The following SEC14L5 variants were observed in gnomAD, a reference collection of about 807,000 sequenced individuals.
SEC14L5 encodes the protein SEC14-like protein 5.
A neutral mutation model predicts 84.6 loss-of-function variants in SEC14L5; 96 were observed. That is an observed-to-expected ratio of 1.13 (90% CI 0.96 to 1.34). The LOEUF is 1.34. SEC14L5 is among the 40% of genes most tolerant of loss of function. SEC14L5 has a pLI of 0.00. For synonymous variants in SEC14L5, 546 were observed against 383.4 expected, an observed-to-expected ratio of 1.42 and a Z score of -4.95; for missense variants, 1,224 against 942.5, an observed-to-expected ratio of 1.30 and a Z score of -3.91.
intron 15 of SEC14L5, 33 bp from the exon 16 acceptor site, chr16:5,014,826 G>A: frequency 6.5e-7 from 1 of 1,539,734 alleles, no homozygotes; most frequent in Non-Finnish European, 9.0e-7. Flanking sequence ...GTCACTGTGA[G>A]AGGGTAACGT....
chr16:4,960,068 G>A (rs1347482070), intron 2 of SEC14L5, among the ~76,000 whole-genome samples: 2 of 152,148 alleles, frequency 1.3e-5, no homozygotes, highest in Non-Finnish European at 2.9e-5. Flanking sequence ...AAGTCAGTTG[G>A]AGGCCTAGAA....
intron 2 of SEC14L5, among the ~76,000 whole-genome samples, chr16:4,962,643 G>A (rs1178759359): frequency 6.9e-6 from 1 of 145,808 alleles, no homozygotes; most frequent in African/African-American, 2.5e-5. Flanking sequence ...AGCCGAGATC[G>A]TGCCATTGCA....
chr16:4,999,308 T>A (rs920595280), intron 8 of SEC14L5, among the ~76,000 whole-genome samples: 1 of 152,134 alleles, frequency 6.6e-6, no homozygotes, highest in African/African-American at 2.4e-5. Flanking sequence ...TCAAGTGTCC[T>A]TAAACAGAAA....
At chr16:4,970,752 T>C (rs1208873598) in intron 2 of SEC14L5, among the ~76,000 whole-genome samples, 1 of 152,060 alleles carries the variant, frequency 6.6e-6, no homozygotes, top group East Asian at 1.9e-4. Context: ...TGAGTCCTCA[T>C]GTGGAGGGGA....
intron 2 of SEC14L5, among the ~76,000 whole-genome samples, chr16:4,961,376 T>C (rs1255979730): frequency 6.6e-6 from 1 of 152,226 alleles, no homozygotes; most frequent in Non-Finnish European, 1.5e-5. Context: ...TTGCCCAGAC[T>C]GGAGTGCAGT....
At chr16:4,966,267 CTTTTTTT>C (rs1019686741) in intron 2 of SEC14L5, among the ~76,000 whole-genome samples, 8 of 78,770 alleles carry the variant, frequency 1.0e-4, no homozygotes, top group African/African-American at 2.9e-4. Flanking sequence ...CGCCCGGCCT[CTTTTTTT>C]TTTTTTTTTT....
chr16:5,011,436 G>A (rs1169819057), intron 15 of SEC14L5, among the ~76,000 whole-genome samples, 163 bp downstream of exon 15: 1 of 152,216 alleles, frequency 6.6e-6, no homozygotes, highest in South Asian at 2.1e-4. Context: ...CCGCACTAGG[G>A]TGTGAGGAGA....
intron 2 of SEC14L5, among the ~76,000 whole-genome samples, chr16:4,969,989 T>C (rs144396412): frequency 6.6e-6 from 1 of 152,172 alleles, no homozygotes; most frequent in African/African-American, 2.4e-5. Flanking sequence ...GGCTAATGTT[T>C]GTATCTTTTG....
Position 4,991,910 on chromosome 16 carries a change from C to A in SEC14L5, c.547C>A (p.Pro183Thr), listed in dbSNP as rs1156637258. 1 of 1,608,232 alleles carries A rather than the reference C, an allele frequency of 6.2e-7. No individual in the cohort carries two copies. Among genetic ancestry groups the A allele is most frequent in the Admixed American group, 1.7e-5 (1 of 59,722 alleles). The change falls in exon 6 of 16, where the codon CCT (proline) becomes ACT (threonine). Residue 183 changes from proline (P) to threonine (T), a missense_variant. Transcript: ENST00000251170. The stretch of plus-strand genomic sequence containing the variant: ...TACCTCGCACATTCCGCGCTGGACG[C>A]CTGCCCCAGTCCGTGAGGAGGATGC... ...QGTSHIPRWT[P>T]APVREEDARN...
Position 4,988,184 on chromosome 16 carries a change from A to C in SEC14L5, c.249A>C (p.Thr83=). 1 of 1,612,738 alleles carries C rather than the reference A, an allele frequency of 6.2e-7. No individual in the cohort carries two copies. The highest frequency in any genetic ancestry group is 8.5e-7 in the Non-Finnish European group (1 of 1,179,282). Residue 83 remains threonine, a synonymous_variant, in exon 4 of 16, where the codon ACA becomes ACC. Transcript: ENST00000251170. ...TTGAGCACGTGGTCTTCGTGCAGAC[A>C]AACATCTTGAACTGGAAGGAGAGGA... ...AGVEHVVFVQ[T]NILNWKERTL...
chr16:5,015,190 G>A lies in SEC14L5; in HGVS notation c.*220G>A, dbSNP rs1479403399. 6 of 561,342 alleles carry A rather than the reference G, an allele frequency of 1.1e-5. No individual in the cohort carries two copies. Among genetic ancestry groups the A allele is most frequent in the African/African-American group, 7.5e-5 (4 of 53,284 alleles). 34.8% of individuals were successfully genotyped at this position (561,342 alleles called of 1,614,324 possible). ...TGCAAGGACAGAACCATCTCCTTCC[G>A]GCTTCGTGTAAGGAAGACCAAGCCA... is the stretch of plus-strand genomic sequence containing the variant. On this transcript the variant is annotated 3_prime_UTR_variant, in exon 16 of 16. Coordinates refer to ENST00000251170, the MANE Select transcript of SEC14L5 (RefSeq NM_014692.2).
chr16:4,995,896 G>A (rs1364744771), intron 6 of SEC14L5, among the ~76,000 whole-genome samples: 2 of 152,078 alleles, frequency 1.3e-5, no homozygotes, highest in Non-Finnish European at 2.9e-5. Context: ...AAAGTCCTGG[G>A]ATTACAGTCG....
At chr16:4,968,093 A>T (rs1955228996) in intron 2 of SEC14L5, among the ~76,000 whole-genome samples, 1 of 148,808 alleles carries the variant, frequency 6.7e-6, no homozygotes, top group Admixed American at 6.7e-5. Context: ...ATCATGGCTC[A>T]CTGCAGCCTT....
chr16:5,001,453 G>A (rs529968961), intron 10 of SEC14L5, among the ~76,000 whole-genome samples: 2 of 152,024 alleles, frequency 1.3e-5, no homozygotes, highest in East Asian at 3.9e-4. Context: ...TAGAGACAGG[G>A]TTTCACTGTG....
intron 8 of SEC14L5, among the ~76,000 whole-genome samples, chr16:4,998,188 T>G (rs951057221): frequency 1.3e-5 from 2 of 151,406 alleles, no homozygotes; most frequent in Non-Finnish European, 2.9e-5. Context: ...GTACTTTTAG[T>G]AGAGATGGGG....
At chr16:4,974,901 C>T (rs1044107331) in intron 2 of SEC14L5, among the ~76,000 whole-genome samples, 1 of 151,998 alleles carries the variant, frequency 6.6e-6, no homozygotes, top group African/African-American at 2.4e-5. Context: ...CCTCAGCCTC[C>T]TGAGTAGCTG....
chr16:4,968,391 C>T (rs1335504512), intron 2 of SEC14L5, among the ~76,000 whole-genome samples: 2 of 152,116 alleles, frequency 1.3e-5, no homozygotes, highest in Admixed American at 1.3e-4. Context: ...ATTGGTCAGG[C>T]TGGTCTCGAA....
intron 2 of SEC14L5, among the ~76,000 whole-genome samples, chr16:4,972,944 C>G (rs531527105): frequency 6.6e-6 from 1 of 152,202 alleles, no homozygotes; most frequent in Non-Finnish European, 1.5e-5. Context: ...TATGCTGTTG[C>G]TCATTCATTC....
chr16:4,993,477 G>A (rs971621695), intron 6 of SEC14L5, among the ~76,000 whole-genome samples: 1 of 152,152 alleles, frequency 6.6e-6, no homozygotes, highest in African/African-American at 2.4e-5. Flanking sequence ...CCTGACCTCA[G>A]GTGATCCACC....
Sources: gnomAD v4.1 joint callset for allele counts (sites outside exome capture counted in the v4.1 genomes callset) on GRCh38, gnomAD v4.1.1 for gene constraint, MANE v1.5 for transcripts, NCBI Gene and HGNC (gene_info 2026-07-23, HGNC 2026-07-21) for gene names.